LRBA: variants seen among roughly 807,000 people sequenced by gnomAD.
LRBA encodes LPS responsive beige-like anchor protein.
Under a neutral mutation model 330.0 loss-of-function variants are expected in LRBA, and 176 were observed. The observed-to-expected ratio is 0.53, with a 90% confidence interval of 0.47 to 0.60. The LOEUF is 0.60. Among genes scored for constraint, LRBA ranks in the 20% least tolerant of loss-of-function variants. The pLI, the probability that LRBA is intolerant of heterozygous loss-of-function variation, is 0.00. For synonymous variants in LRBA, 1,230 were observed against 1,193.0 expected, an observed-to-expected ratio of 1.03 and a Z score of -0.64; for missense variants, 3,259 against 3,444.8, an observed-to-expected ratio of 0.95 and a Z score of 1.35.
intron 34 of LRBA, among the ~76,000 whole-genome samples, chr4:150,787,384 A>G (rs1364187162): frequency 6.6e-6 from 1 of 152,210 alleles, no homozygotes; most frequent in African/African-American, 2.4e-5. Context: ...GTAAAAATGT[A>G]ATTTTTAACA....
intron 30 of LRBA, among the ~76,000 whole-genome samples, chr4:150,818,157 G>A (rs1441592854): frequency 6.6e-6 from 1 of 151,916 alleles, no homozygotes; most frequent in African/African-American, 2.4e-5. Context: ...AGTAACTTAG[G>A]TATTTGATCC....
chr4:150,425,053 A>G lies in LRBA; in HGVS notation c.7042-9463T>C, dbSNP rs74979009. ...TGGATGACAATGGCATTTAAGTTAT[A>G]CAGTAGAATTCCATTTTAATACTAA... is the stretch of plus-strand genomic sequence containing the variant. On this transcript the variant is annotated intron_variant, in intron 46 of 56. Transcript: ENST00000651943. Among the ~76,000 whole-genome samples the G allele has an allele frequency of 2.0e-5, 3 of 152,360 alleles. No individual in the cohort carries two copies. In the East Asian group the frequency reaches 5.8e-4, roughly 29 times the overall value.
chr4:150,794,270 T>C (rs540420026), intron 34 of LRBA, among the ~76,000 whole-genome samples: 1 of 152,242 alleles, frequency 6.6e-6, no homozygotes, highest in Non-Finnish European at 1.5e-5. Context: ...CCTTGTGCCA[T>C]GTATGGAGCT....
At chr4:150,697,998 G>C (rs576041705) in intron 36 of LRBA, among the ~76,000 whole-genome samples, 65 of 152,242 alleles carry the variant, frequency 4.3e-4, no homozygotes, top group African/African-American at 1.5e-3. Context: ...AAAAAGGTAA[G>C]TAGAAGGAAA....
Position 150,870,672 on chromosome 4 carries a change from T to C in LRBA, c.2368-66A>G, listed in dbSNP as rs2127001374. On this transcript the variant is annotated intron_variant, in intron 19 of 56. Coordinates refer to ENST00000651943, the MANE Select transcript of LRBA (RefSeq NM_001364905.1). ...GATTAGCATCACTATTAATGAACTT[T>C]AAGTGCATCACTATTAATTAACTTT... 5 of 767,530 alleles carry C rather than the reference T, an allele frequency of 6.5e-6. No homozygotes were observed. The East Asian group carries it at 1.2e-4, about 19-fold the overall frequency. 47.5% of individuals were successfully genotyped at this position (767,530 alleles called of 1,614,324 possible). A position where few individuals can be genotyped will look rare whatever the true frequency, so the allele number is the denominator to read the frequency against.
At chr4:150,422,931 C>T in intron 46 of LRBA, 6 of 794,634 alleles carry the variant, frequency 7.6e-6, no homozygotes, top group South Asian at 5.4e-5. Flanking sequence ...CAGCTCTGTA[C>T]AAGACTTCAT....
intron 2 of LRBA, among the ~76,000 whole-genome samples, chr4:150,988,474 T>C (rs1010482436): frequency 3.3e-5 from 5 of 152,154 alleles, no homozygotes; most frequent in African/African-American, 2.4e-5. Flanking sequence ...TAAAATGACA[T>C]ATGAAAAAAT....
In LRBA at chr4:150,373,172, T is replaced by TGTGTGTGTGA. The variant is rs1283762385; in HGVS notation, c.7195-23014_7195-23013insTCACACACAC. Reference sequence around the variant, plus strand: ...GTGTGTGTGTGTGTGTGTGTGTGTGTGAGAGAGAGAGAGAGAGAGAGAGAG... The same window carrying TGTGTGTGTGA: ...GTGTGTGTGTGTGTGTGTGTGTGTGTGTGTGTGTGAGAGAGAGAGAGAGAGAGAGAGAGAG... On this transcript the variant is annotated intron_variant, in intron 47 of 56. Coordinates refer to ENST00000651943, the MANE Select transcript of LRBA (RefSeq NM_001364905.1). Among the ~76,000 whole-genome samples the TGTGTGTGTGA allele has an allele frequency of 3.5e-4, 34 of 97,502 alleles. 1 individual carries two copies. The East Asian group carries it at 8.8e-3, about 25-fold the overall frequency. 64.0% of individuals were successfully genotyped at this position (97,502 alleles called of 152,430 possible). A position where few individuals can be genotyped will look rare whatever the true frequency, so the allele number is the denominator to read the frequency against.
In LRBA at chr4:150,282,537, A is replaced by G. The variant is rs774130942; in HGVS notation, c.8229T>C (p.Cys2743=). 2 of 1,614,100 alleles carry G rather than the reference A, an allele frequency of 1.2e-6. No individual in the cohort carries two copies. The highest frequency in any genetic ancestry group is 1.6e-4 in the Middle Eastern group (1 of 6,062). Residue 2743 remains cysteine (C), a synonymous_variant, in exon 55 of 57, where the codon TGT becomes TGC. Transcript: ENST00000651943. ...AGAGGCCGTTTTCATAGAATATGAC[A>G]CAATGACCCTCTCTTGAAGCCTGAA... ...KLIQASREGH[C]VIFYENGLFC... is the part of the protein sequence containing the mutation.
chr4:150,401,094 T>C (rs574460007), intron 47 of LRBA, among the ~76,000 whole-genome samples: 1 of 152,328 alleles, frequency 6.6e-6, no homozygotes, highest in East Asian at 1.9e-4. Flanking sequence ...CAGAGACAGA[T>C]ATGCACACAG....
intron 34 of LRBA, among the ~76,000 whole-genome samples, chr4:150,764,739 AT>A (rs1472901722): frequency 1.3e-5 from 2 of 152,058 alleles, no homozygotes; most frequent in African/African-American, 4.8e-5. Flanking sequence ...ACCTATAAGA[AT>A]GGCCAAAATC....
At chr4:150,645,557 T>C (rs1300464923) in intron 37 of LRBA, among the ~76,000 whole-genome samples, 1 of 151,944 alleles carries the variant, frequency 6.6e-6, no homozygotes, top group Non-Finnish European at 1.5e-5. Flanking sequence ...AATTCCCATA[T>C]TTCAAAATCC....
chr4:150,558,827 C>T (rs1767676155), intron 40 of LRBA, among the ~76,000 whole-genome samples: 1 of 152,166 alleles, frequency 6.6e-6, no homozygotes, highest in Admixed American at 6.5e-5. Context: ...AAGACTCTGA[C>T]TCTAATCTAG....
intron 37 of LRBA, among the ~76,000 whole-genome samples, chr4:150,636,225 G>A (rs1314715226): frequency 2.0e-5 from 3 of 149,380 alleles, no homozygotes; most frequent in Non-Finnish European, 4.4e-5. Flanking sequence ...TATTTTTTGA[G>A]GAGGTACTTT....
intron 35 of LRBA, among the ~76,000 whole-genome samples, chr4:150,744,107 C>T (rs1183596377): frequency 1.3e-5 from 2 of 152,056 alleles, no homozygotes; most frequent in African/African-American, 4.8e-5. Context: ...TTAGGCATTA[C>T]AGACAAAAAC....
At position 150,321,299 on chromosome 4, in the gene LRBA, G is replaced by A; in HGVS notation, c.7522C>T (p.Pro2508Ser). ...GTGTTGGCTGCCACGTGAGTAACAG[G>A]GGAGTTGGAGGGAAACTTGAGGACC... ...IMVLKFPSNSPVTHVAANTQP... is the reference protein window; with the variant it reads ...IMVLKFPSNSSVTHVAANTQP... Residue 2508 changes from proline to serine, a missense_variant, in exon 50 of 57, where the codon CCT (proline) becomes TCT (serine). Coordinates refer to ENST00000651943, the MANE Select transcript of LRBA (RefSeq NM_001364905.1). The surrounding 1 kb of genome is among the most constrained non-coding windows in gnomAD (Gnocchi z 4.5). The A allele has an allele frequency of 2.5e-6, 4 of 1,609,604 alleles. No homozygotes were observed. Among genetic ancestry groups the A allele is most frequent in the Non-Finnish European group, 3.4e-6 (4 of 1,178,542 alleles).
rs1259745396 is a variant in LRBA at position 150,703,220 on chromosome 4, C to T, written c.5755-19503G>A. Among the ~76,000 whole-genome samples the T allele has an allele frequency of 3.9e-5, 6 of 152,148 alleles. No homozygotes were observed. The East Asian group carries it at 5.8e-4, about 15-fold the overall frequency. On this transcript the variant is annotated intron_variant, in intron 36 of 56. Transcript: ENST00000651943. Reference sequence around the variant, plus strand: ...ATTAAATGCTCATTAAGAAAAACAGCGACAATCCAGTAAGCAATGCTAGGG... The same window carrying T: ...ATTAAATGCTCATTAAGAAAAACAGTGACAATCCAGTAAGCAATGCTAGGG...
Position 150,900,113 on chromosome 4 carries a change from C to A in LRBA, c.1860G>T (p.Thr620=). The change falls in exon 14 of 57, where the codon ACG becomes ACT. Residue 620 remains threonine (T), a synonymous_variant. Coordinates refer to ENST00000651943, the MANE Select transcript of LRBA (RefSeq NM_001364905.1). ...TCACTGCCCAGTAGTAGTACTTCAG[C>A]GTGTGCATGATGAGAAGCACTGTTC... ...RVGTVLLIMH[T]LKYYYWAVNP... is the part of the protein sequence containing the mutation. 6.2e-7 allele frequency: 1 copy of A among 1,612,888 alleles called. No homozygotes were observed. Among genetic ancestry groups the A allele is most frequent in the Non-Finnish European group, 8.5e-7 (1 of 1,178,934 alleles).
rs780813957 is a variant in LRBA at position 150,868,356 on chromosome 4, T to C, written c.2450-51A>G. 3 of 1,360,306 alleles carry C rather than the reference T, an allele frequency of 2.2e-6. No homozygotes were observed. The South Asian group carries it at 4.6e-5, about 21-fold the overall frequency. 84.3% of individuals were successfully genotyped at this position (1,360,306 alleles called of 1,614,324 possible). A position where few individuals can be genotyped will look rare whatever the true frequency, so the allele number is the denominator to read the frequency against. On this transcript the variant is annotated intron_variant, in intron 20 of 56. Transcript: ENST00000651943. Reference sequence around the variant, plus strand: ...AAAACCAAACTCAACAAAAAACTCATGATAGAAGGTCATCCATCTATTGCA... The same window carrying C: ...AAAACCAAACTCAACAAAAAACTCACGATAGAAGGTCATCCATCTATTGCA...
Sources: gnomAD v4.1 joint callset for allele counts (sites outside exome capture counted in the v4.1 genomes callset) on GRCh38, gnomAD v4.1.1 for gene constraint, Gnocchi (gnomAD v3.1) non-coding constraint, MANE v1.5 for transcripts, NCBI Gene and HGNC (gene_info 2026-07-23, HGNC 2026-07-21) for gene names.